ZNF365: variants seen among roughly 807,000 people sequenced by gnomAD.
ZNF365 encodes zinc finger protein 365.
Under a neutral mutation model 35.0 loss-of-function variants are expected in ZNF365, and 22 were observed. The ratio of observed to expected loss-of-function variants is 0.63; its 90% confidence interval spans 0.45 to 0.90. ZNF365 has a LOEUF of 0.90. Among genes scored for constraint, ZNF365 ranks in the 40% least tolerant of loss-of-function variants. The pLI, the probability that ZNF365 is intolerant of heterozygous loss-of-function variation, is 0.00. For synonymous variants in ZNF365, 188 were observed against 196.2 expected (o/e 0.96, Z 0.35); for missense variants, 448 against 500.3 (o/e 0.90, Z 1.00).
At chr10:62,444,929 C>T (rs1359568395) in intron 3 of ZNF365, among the ~76,000 whole-genome samples, 2 of 151,700 alleles carry the variant, frequency 1.3e-5, no homozygotes, top group Admixed American at 6.6e-5. Flanking sequence ...TCCCCCCTCT[C>T]CCCACCCCAC....
At position 62,399,858 on chromosome 10, in the gene ZNF365, T is replaced by A; in HGVS notation, c.*69T>A. 2.0e-6 allele frequency: 3 copies of A among 1,509,688 alleles called. No individual in the cohort carries two copies. Among genetic ancestry groups the A allele is most frequent in the Non-Finnish European group, 2.7e-6 (3 of 1,127,860 alleles). 93.5% of individuals were successfully genotyped at this position (1,509,688 alleles called of 1,614,324 possible). A position where few individuals can be genotyped will look rare whatever the true frequency, so the allele number is the denominator to read the frequency against. The stretch of plus-strand genomic sequence containing the variant: ...ACGTTGTTCCAGGAGCCAACAGTAA[T>A]GTCTTTCTGGAAACATTCCATAGTA... On this transcript the variant is annotated 3_prime_UTR_variant, in exon 5 of 5. Transcript: ENST00000395254.
intron 3 of ZNF365, among the ~76,000 whole-genome samples, chr10:62,442,067 C>T (rs567792589): frequency 6.6e-6 from 1 of 152,300 alleles, no homozygotes; most frequent in Admixed American, 6.5e-5. Context: ...ATGCTTGGGA[C>T]ATGTCTTACA....
intron 3 of ZNF365, among the ~76,000 whole-genome samples, chr10:62,435,284 G>A (rs1028896096): frequency 1.3e-5 from 2 of 152,102 alleles, no homozygotes; most frequent in African/African-American, 4.8e-5. Context: ...CGAAGGAAAT[G>A]GCAAGACCAG....
intron 3 of ZNF365, among the ~76,000 whole-genome samples, chr10:62,417,066 C>T (rs756912998): frequency 6.6e-6 from 1 of 151,944 alleles, no homozygotes; most frequent in African/African-American, 2.4e-5. Context: ...ATATATATTC[C>T]TTTTCAAGAG....
In ZNF365 at chr10:62,402,166, A is replaced by G. The variant is rs977399917; in HGVS notation, c.*2377A>G. ...AGGCGGTTGCTTTTTTGAAGAAATC[A>G]CCAAAGTTTCTGGGAAACTATGTTC... is the stretch of plus-strand genomic sequence containing the variant. On this transcript the variant is annotated 3_prime_UTR_variant, in exon 5 of 5. Coordinates refer to ENST00000395254, the MANE Select transcript of ZNF365 (RefSeq NM_014951.3). The G allele has an allele frequency of 1.1e-5, 11 of 985,878 alleles. No homozygotes were observed. The highest frequency in any genetic ancestry group is 1.3e-5 in the Non-Finnish European group (11 of 829,938). The allele number at this position is 985,878 out of a possible 1,614,324, so 61.1% of individuals were successfully genotyped here. A position where few individuals can be genotyped will look rare whatever the true frequency, so the allele number is the denominator to read the frequency against.
At chr10:62,462,662 C>T (rs983325019) in intron 4 of ZNF365, among the ~76,000 whole-genome samples, 1 of 152,212 alleles carries the variant, frequency 6.6e-6, no homozygotes, top group African/African-American at 2.4e-5. Context: ...AAGACCCAGA[C>T]TTTTGCAGAA....
At chr10:62,458,380 G>A (rs1840793891) in intron 3 of ZNF365, among the ~76,000 whole-genome samples, 2 of 151,830 alleles carry the variant, frequency 1.3e-5, no homozygotes. Flanking sequence ...TCTTCAGCAT[G>A]GTTATGAATT....
chr10:62,456,851 C>A lies in ZNF365; in HGVS notation c.925-2890C>A, dbSNP rs114266851. Among the ~76,000 whole-genome samples the A allele has an allele frequency of 8.4e-3, 1,276 of 152,314 alleles. 26 individuals are homozygous for A. Among genetic ancestry groups the A allele is most frequent in the African/African-American group, 0.028 (1,184 of 41,560 alleles). The stretch of plus-strand genomic sequence containing the variant: ...ACACACGTGCGCACACATGCACACA[C>A]ACACACACAAACTCAGTGATTACAA... On this transcript the variant is annotated intron_variant, in intron 3 of 4. Coordinates refer to the ZNF365 transcript ENST00000395255.
At chr10:62,379,576 A>G (rs766068107) in intron 2 of ZNF365, among the ~76,000 whole-genome samples, 14 of 151,970 alleles carry the variant, frequency 9.2e-5, no homozygotes, top group Non-Finnish European at 1.8e-4. Flanking sequence ...AGGACACTGG[A>G]GCTCTTGGTC....
intron 2 of ZNF365, among the ~76,000 whole-genome samples, chr10:62,380,390 A>G (rs553815836): frequency 4.1e-4 from 63 of 152,328 alleles, no homozygotes; most frequent in Admixed American, 2.4e-3. Context: ...TCTTTAGCTT[A>G]CTTTAAGAAT....
intron 3 of ZNF365, among the ~76,000 whole-genome samples, chr10:62,443,710 A>C (rs933665785): frequency 6.6e-6 from 1 of 152,152 alleles, no homozygotes; most frequent in South Asian, 2.1e-4. Flanking sequence ...TCAAGGGGAA[A>C]ATGGGCTCCA....
At chr10:62,447,195 T>C (rs560220486) in intron 3 of ZNF365, among the ~76,000 whole-genome samples, 1 of 152,304 alleles carries the variant, frequency 6.6e-6, no homozygotes, top group African/African-American at 2.4e-5. Context: ...CATACATTAA[T>C]ACATAATTGT....
intron 3 of ZNF365, among the ~76,000 whole-genome samples, chr10:62,415,483 G>GCT (rs145819067): frequency 1.0e-4 from 15 of 150,546 alleles, no homozygotes; most frequent in South Asian, 2.1e-4. Flanking sequence ...TGTTCATTGG[G>GCT]CTCTCTCTCT....
intron 4 of ZNF365, among the ~76,000 whole-genome samples, chr10:62,471,573 A>T (rs1187651172): frequency 6.6e-6 from 1 of 152,168 alleles, no homozygotes; most frequent in African/African-American, 2.4e-5. Flanking sequence ...TATTTTAAAA[A>T]TTTTAAATTG....
chr10:62,385,053 T>C (rs1204600915), intron 2 of ZNF365, among the ~76,000 whole-genome samples: 2 of 152,188 alleles, frequency 1.3e-5, no homozygotes, highest in Non-Finnish European at 2.9e-5. Flanking sequence ...CCCTTTTTCA[T>C]CTAACAAAGA....
At chr10:62,456,831 C>G (rs746250823) in intron 3 of ZNF365, among the ~76,000 whole-genome samples, 1 of 145,732 alleles carries the variant, frequency 6.9e-6, no homozygotes, top group Non-Finnish European at 1.5e-5. Context: ...AACACACACA[C>G]GTGCGCACAC....
At chr10:62,478,519 C>T (rs1157209587) in intron 4 of ZNF365, among the ~76,000 whole-genome samples, 2 of 152,188 alleles carry the variant, frequency 1.3e-5, no homozygotes, top group African/African-American at 4.8e-5. Flanking sequence ...GAACTTTCTC[C>T]TCCTGCTTCA....
chr10:62,417,897 A>G (rs963018427), intron 3 of ZNF365, among the ~76,000 whole-genome samples: 2 of 152,020 alleles, frequency 1.3e-5, no homozygotes, highest in African/African-American at 4.8e-5. Flanking sequence ...TGTATTTACA[A>G]AAGGAAGCAA....
chr10:62,441,905 GT>G (rs893210202), intron 3 of ZNF365, among the ~76,000 whole-genome samples: 11 of 152,276 alleles, frequency 7.2e-5, no homozygotes, highest in African/African-American at 2.6e-4. Flanking sequence ...AGAATAGATG[GT>G]GATTATAAGA....
Sources: gnomAD v4.1 joint callset for allele counts (sites outside exome capture counted in the v4.1 genomes callset) on GRCh38, gnomAD v4.1.1 for gene constraint, MANE v1.5 for transcripts, NCBI Gene and HGNC (gene_info 2026-07-23, HGNC 2026-07-21) for gene names.